The following WDR90 variants were observed in gnomAD, a reference collection of about 807,000 sequenced individuals.
The protein encoded by WDR90 is WD repeat domain 90.
A neutral mutation model predicts 195.2 loss-of-function variants in WDR90; 238 were observed. The ratio of observed to expected loss-of-function variants is 1.22; its 90% CI spans 1.10 to 1.36. The LOEUF is 1.36. Among genes scored for constraint, WDR90 ranks in the 40% most tolerant of loss-of-function variants. WDR90 has a pLI of 0.00. For missense variants in WDR90, 2,734 were observed against 2,439.5 expected, an observed-to-expected ratio of 1.12 and a Z score of -2.54; for synonymous variants, 1,265 against 1,052.4, an observed-to-expected ratio of 1.20 and a Z score of -3.91.
In WDR90 at chr16:662,377, T is replaced by G. The variant is rs754718475; in HGVS notation, c.4145+46T>G. ...TGTTTTGGCTGCACGTGGGTGTTGG[T>G]GTCCCTGACTGGGGCTTGCAGCCAG... On this transcript the variant is annotated intron_variant, in intron 33 of 40. Coordinates refer to ENST00000293879, the MANE Select transcript of WDR90 (RefSeq NM_145294.5). 9.1e-6 allele frequency: 14 copies of G among 1,535,574 alleles called. 1 individual carries two copies. In the South Asian group the frequency reaches 1.7e-4, roughly 18 times the overall value.
In WDR90 at chr16:666,927, C is replaced by A; in HGVS notation, c.5027C>A (p.Pro1676His). The part of the protein sequence containing the change: ...QKQVVEKIPL[P>H]FFAMSLSLSP... ...CAGGTGGTGGAGAAGATACCACTGC[C>A]CTTTTTTGCCATGTCCCTGAGCCTG... The change falls in exon 40 of 41, where the codon CCC (proline) becomes CAC (histidine). Residue 1676 changes from proline to histidine, a missense_variant. Pro to His is a moderately conservative substitution (Grantham distance 77, BLOSUM62 -2). Transcript: ENST00000293879. The A allele has an allele frequency of 6.2e-7, 1 of 1,613,132 alleles. No individual in the cohort carries two copies. Among genetic ancestry groups the A allele is most frequent in the Non-Finnish European group, 8.5e-7 (1 of 1,179,788 alleles).
At chr16:661,281 C>T in intron 29 of WDR90, 61 bp from the exon 30 acceptor site, 1 of 1,540,202 alleles carries the variant, frequency 6.5e-7, no homozygotes, top group Non-Finnish European at 8.7e-7. Flanking sequence ...AGACGGCCAC[C>T]CCAGCCTCCA....
Position 658,864 on chromosome 16 carries a change from C to T in WDR90, c.2896-32C>T, listed in dbSNP as rs572443641. On this transcript the variant is annotated intron_variant, in intron 23 of 40. Coordinates refer to ENST00000293879, the MANE Select transcript of WDR90 (RefSeq NM_145294.5). The stretch of plus-strand genomic sequence containing the variant: ...ACACGGCAGCATCCATGCCCCGCCT[C>T]GGGGTCCTGCATGTGACGCCGCTAC... 7.1e-5 allele frequency: 114 copies of T among 1,607,106 alleles called. 2 individuals carry two copies. In the Admixed American group the frequency reaches 7.3e-4, roughly 10 times the overall value.
At position 667,495 on chromosome 16, in the gene WDR90, A is replaced by G; in HGVS notation, c.5153A>G (p.Asn1718Ser). 6.2e-7 allele frequency: 1 copy of G among 1,612,030 alleles called. No individual in the cohort carries two copies. The highest frequency in any genetic ancestry group is 8.5e-7 in the Non-Finnish European group (1 of 1,179,416). ...GTAQDFAGHD[N>S]AVHLCRFTPS... The stretch of plus-strand genomic sequence containing the variant: ...GCCCAAGACTTTGCCGGCCACGACA[A>G]CGCAGTGCACCTGTGCAGGTTTACA... The change falls in exon 41 of 41, where the codon AAC becomes AGC. Residue 1718 changes from asparagine to serine, a missense_variant. Physicochemically the swap from Asn to Ser is conservative, Grantham distance 46. Transcript: ENST00000293879.
rs564579664 is a variant in WDR90, at chr16:661,790, G to A, written c.3864+3G>A. On this transcript the variant is annotated splice_donor_region_variant and intron_variant, in intron 31 of 40. Transcript: ENST00000293879. ...GTGGGGCAGACATCAGCCTTCAGGT[G>A]CCACCCGTTCAGCGTTTGGGCCCAG... 1.7e-5 allele frequency: 27 copies of A among 1,595,436 alleles called. No individual in the cohort carries two copies. The South Asian group carries it at 2.4e-4, about 14-fold the overall frequency.
Position 655,137 on chromosome 16 carries a change from G to C in WDR90, c.1546G>C (p.Asp516His), listed in dbSNP as rs374528522. ...CCAGGCCTTCCGGGTCACCTTTTTTGATGAAACCAGGTGATGCAGCCGCCC... is the reference window on the plus strand; with the variant it reads ...CCAGGCCTTCCGGGTCACCTTTTTTCATGAAACCAGGTGATGCAGCCGCCC... The part of the protein sequence containing the change: ...DVQAFRVTFF[D>H]ETRMASCGQG... The change falls in exon 14 of 41, where the codon GAT (aspartate) becomes CAT (histidine). Residue 516 changes from aspartate to histidine, a missense_variant. Physicochemically the swap from Asp to His is moderately conservative, Grantham distance 81. Transcript: ENST00000293879. 3 of 1,612,616 alleles carry C rather than the reference G, an allele frequency of 1.9e-6. No individual in the cohort carries two copies. Among genetic ancestry groups the C allele is most frequent in the Non-Finnish European group, 2.5e-6 (3 of 1,179,814 alleles).
At chr16:661,010 C>CCCG in intron 28 of WDR90, 41 bp from the exon 29 acceptor site, 1 of 126,850 alleles carries the variant, frequency 7.9e-6, no homozygotes, top group Non-Finnish European at 1.1e-5. Context: ...GCCCCCCCCC[C>CCCG]CCCCCGGCCC....
chr16:667,231 C>T (rs111924337), intron 40 of WDR90, among the ~76,000 whole-genome samples: 1 of 152,214 alleles, frequency 6.6e-6, no homozygotes, highest in Admixed American at 6.5e-5. Context: ...AAGGAGGGAA[C>T]TGGCCCAGCT....
In WDR90 at chr16:651,809, G is replaced by A. The variant is rs2037651868; in HGVS notation, c.841-18G>A. Reference sequence around the variant, plus strand: ...GTGTGATGGCCCAGGACGCTGATGGGCACTTGTCCCCCAGCAGTCCGGCCG... The same window carrying A: ...GTGTGATGGCCCAGGACGCTGATGGACACTTGTCCCCCAGCAGTCCGGCCG... On this transcript the variant is annotated intron_variant, in intron 8 of 40. Transcript: ENST00000293879. The A allele has an allele frequency of 6.2e-7, 1 of 1,611,340 alleles. No homozygotes were observed. Among genetic ancestry groups the A allele is most frequent in the Non-Finnish European group, 8.5e-7 (1 of 1,179,600 alleles).
intron 7 of WDR90, 71 bp from the exon 8 acceptor site, chr16:651,573 C>T (rs2037646978): frequency 6.7e-7 from 1 of 1,483,512 alleles, no homozygotes; most frequent in African/African-American, 1.4e-5. Context: ...GCTGCCCTCC[C>T]CAGGCGTCAC....
At chr16:659,985 A>G in intron 26 of WDR90, 73 bp from the exon 27 acceptor site, 1 of 1,136,046 alleles carries the variant, frequency 8.8e-7, no homozygotes. Context: ...TTGTGGGGAG[A>G]CTGCGTGTAG....
At chr16:658,500 A>G (rs929787289) in intron 22 of WDR90, 25 bp from the exon 23 acceptor site, 11 of 1,595,616 alleles carry the variant, frequency 6.9e-6, no homozygotes, top group African/African-American at 1.3e-5. Flanking sequence ...GAGACACGGC[A>G]TTTCCCAAGA....
chr16:654,154 C>T, intron 13 of WDR90: 1 of 357,196 alleles, frequency 2.8e-6, no homozygotes, highest in East Asian at 4.8e-5. Context: ...GGCACCTCCA[C>T]ACAGCCGAAG....
intron 10 of WDR90, among the ~76,000 whole-genome samples, chr16:653,105 C>T (rs1210161247): frequency 6.6e-6 from 1 of 152,220 alleles, no homozygotes; most frequent in Non-Finnish European, 1.5e-5. Flanking sequence ...TGTGTGTACA[C>T]GTGTCTGCTT....
chr16:662,299 G>C lies in WDR90; in HGVS notation c.4113G>C (p.Val1371=). 6.3e-7 allele frequency: 1 copy of C among 1,577,414 alleles called. No homozygotes were observed. Among genetic ancestry groups the C allele is most frequent in the Non-Finnish European group, 8.6e-7 (1 of 1,162,632 alleles). ...TGCGCCTGTGGGCCGTGGGGGCTGT[G>C]TCGGAGCTGAGGTGCAAGGGCTCAG... ...GRLRLWAVGA[V]SELRCKGSGA... The change falls in exon 33 of 41, where the codon GTG becomes GTC. Residue 1371 remains valine (V), a synonymous_variant. Transcript: ENST00000293879.
At position 662,028 on chromosome 16, in the gene WDR90, C is replaced by T; in HGVS notation, c.4002C>T (p.Phe1334=). The change falls in exon 32 of 41, where the codon TTC becomes TTT. Residue 1334 remains phenylalanine (F), a synonymous_variant. Coordinates refer to ENST00000293879, the MANE Select transcript of WDR90 (RefSeq NM_145294.5). ...GGGACACGCGTGCCGGCCGCTGCTT[C>T]TTGTCCTGGGAGGCGGATGACGGTG... ...CVWDTRAGRC[F]LSWEADDGGI... 6.2e-7 allele frequency: 1 copy of T among 1,602,984 alleles called. No homozygotes were observed. The highest frequency in any genetic ancestry group is 8.5e-7 in the Non-Finnish European group (1 of 1,179,836).
At chr16:659,790 G>A (rs1388336704) in intron 26 of WDR90, among the ~76,000 whole-genome samples, 2 of 152,132 alleles carry the variant, frequency 1.3e-5, no homozygotes, top group Non-Finnish European at 1.5e-5. Flanking sequence ...CCGTTCCCCC[G>A]GCCAACCCCG....
rs1355309456 is a variant in WDR90 at position 661,702 on chromosome 16, G to C, written c.3779G>C (p.Trp1260Ser). The C allele has an allele frequency of 6.2e-7, 1 of 1,612,464 alleles. No individual in the cohort carries two copies. The highest frequency in any genetic ancestry group is 1.7e-5 in the Admixed American group (1 of 59,988). The change falls in exon 31 of 41, where the codon TGG becomes TCG. Residue 1260 changes from tryptophan to serine, a missense_variant. Trp to Ser is a radical substitution (Grantham distance 177). Transcript: ENST00000293879. ...EPVHGVAFNPWDAGELTCVGQ... is the reference protein window; with the variant it reads ...EPVHGVAFNPSDAGELTCVGQ... ...GTGCATGGTGTGGCCTTCAACCCCT[G>C]GGACGCCGGCGAGCTCACCTGTGTG...
At chr16:664,881 G>C (rs1389816168) in intron 34 of WDR90, 1 of 152,066 alleles carries the variant, frequency 6.6e-6, no homozygotes, top group African/African-American at 2.4e-5. Context: ...GGGTTTCACC[G>C]TGTTAGCCAG....
Sources: allele counts gnomAD v4.1 joint callset (sites outside exome capture counted in the v4.1 genomes callset), GRCh38; gene constraint gnomAD v4.1.1; transcripts MANE v1.5; gene names NCBI Gene and HGNC (gene_info 2026-07-23, HGNC 2026-07-21).